SLC25A12: variants seen among roughly 807,000 people sequenced by gnomAD.
SLC25A12 encodes solute carrier family 25 member 12.
In SLC25A12, 32 loss-of-function variants were observed where a neutral mutation model predicts 83.3. The ratio of observed to expected loss-of-function variants is 0.38; its 90% CI spans 0.29 to 0.52. SLC25A12 has a LOEUF of 0.52. Ranked by LOEUF, SLC25A12 falls within the 20% of genes least tolerant of loss-of-function variation. The probability of loss-of-function intolerance (pLI) is 0.84; values close to 1 mark genes in which losing one functional copy is unlikely to be tolerated. For synonymous variants in SLC25A12, 267 were observed against 291.1 expected, an observed-to-expected ratio of 0.92 and a Z score of 0.84; for missense variants, 611 against 835.6, an observed-to-expected ratio of 0.73 and a Z score of 3.31.
At chr2:171,785,522 A>G (rs1368389102) in intron 17 of SLC25A12, 47 bp from the exon 18 acceptor site, 1 of 1,561,072 alleles carries the variant, frequency 6.4e-7, no homozygotes, top group Non-Finnish European at 8.8e-7. Flanking sequence ...AAGGTGGATG[A>G]GCGCAGCTTA....
chr2:171,877,396 G>T (rs1045843166), intron 2 of SLC25A12, among the ~76,000 whole-genome samples: 4 of 152,044 alleles, frequency 2.6e-5, no homozygotes, highest in Admixed American at 1.3e-4. Context: ...GCTGGGCACG[G>T]TGGCTCACAC....
Position 171,859,096 on chromosome 2 carries a change from C to T in SLC25A12, c.210-3147G>A, listed in dbSNP as rs1573988509. Among the ~76,000 whole-genome samples the T allele has an allele frequency of 2.0e-5, 3 of 152,154 alleles. No homozygotes were observed. The East Asian group carries it at 5.8e-4, about 29-fold the overall frequency. On this transcript the variant is annotated intron_variant, in intron 3 of 17. Transcript: ENST00000422440. ...CCTTCAATTTGGTGTTCTTCCATTA[C>T]TGTATATCTCCTAACCCTTTCCCAA...
At chr2:171,885,466 G>T (rs947994365) in intron 2 of SLC25A12, among the ~76,000 whole-genome samples, 1 of 151,754 alleles carries the variant, frequency 6.6e-6, no homozygotes, top group Non-Finnish European at 1.5e-5. Context: ...GATCACCTGA[G>T]GTCAGGAGTT....
chr2:171,884,399 C>T (rs962747221), intron 2 of SLC25A12, among the ~76,000 whole-genome samples: 4 of 151,206 alleles, frequency 2.6e-5, no homozygotes, highest in African/African-American at 9.7e-5. Flanking sequence ...CCTTGTTGTC[C>T]AGGCTGGTCT....
chr2:171,876,547 G>A lies in SLC25A12; in HGVS notation c.67-7724C>T, dbSNP rs13419006. On this transcript the variant is annotated intron_variant, in intron 2 of 17. Transcript: ENST00000422440. ...GGGGTTTGGGTTTTTTTTTTTTGGG[G>A]GGGGGGGGACTCAAGTGATCCTCCC... Among the ~76,000 whole-genome samples the A allele has an allele frequency of 1.4e-3, 73 of 53,840 alleles. 2 individuals carry two copies. The highest frequency in any genetic ancestry group is 0.028 in the Middle Eastern group (2 of 72). The allele number at this position is 53,840 out of a possible 152,430, so 35.3% of individuals were successfully genotyped here.
At chr2:171,845,663 T>C in intron 4 of SLC25A12, 1 of 260,584 alleles carries the variant, frequency 3.8e-6, no homozygotes, top group Non-Finnish European at 7.9e-6. Context: ...ACATACACTT[T>C]TTCTTAATAA....
At chr2:171,835,091 T>C (rs1684528553) in intron 6 of SLC25A12, among the ~76,000 whole-genome samples, 1 of 152,182 alleles carries the variant, frequency 6.6e-6, no homozygotes, top group African/African-American at 2.4e-5. Flanking sequence ...CATCTGGAAG[T>C]TGGACTTCAT....
In SLC25A12 at chr2:171,785,191, C is replaced by T. The variant is rs1285334694; in HGVS notation, c.*83G>A. On this transcript the variant is annotated 3_prime_UTR_variant, in exon 18 of 18. Transcript: ENST00000422440. ...ACTCCTCAGCTCAGTCAGTACCATG[C>T]AGCTGACTGGATACATTACAGGGCT... The T allele has an allele frequency of 8.2e-7, 1 of 1,223,186 alleles. No individual in the cohort carries two copies. The highest frequency in any genetic ancestry group is 1.2e-6 in the Non-Finnish European group (1 of 829,274). The allele number at this position is 1,223,186 out of a possible 1,614,324, so 75.8% of individuals were successfully genotyped here.
chr2:171,875,605 T>A (rs1485433955), intron 2 of SLC25A12, among the ~76,000 whole-genome samples: 1 of 151,974 alleles, frequency 6.6e-6, no homozygotes, highest in African/African-American at 2.4e-5. Context: ...TCACACAACA[T>A]ACCTTTGTAA....
At chr2:171,880,151 C>T (rs1234789007) in intron 2 of SLC25A12, among the ~76,000 whole-genome samples, 1 of 151,994 alleles carries the variant, frequency 6.6e-6, no homozygotes, top group African/African-American at 2.4e-5. Context: ...GCAAGGTTAG[C>T]CATGATAATT....
Position 171,892,817 on chromosome 2 carries a change from T to C in SLC25A12, c.66+388A>G, listed in dbSNP as rs185901504. Among the ~76,000 whole-genome samples the C allele has an allele frequency of 3.2e-3, 481 of 152,254 alleles. 1 individual carries two copies. The highest frequency in any genetic ancestry group is 5.3e-3 in the Non-Finnish European group (359 of 68,010). On this transcript the variant is annotated intron_variant, in intron 2 of 17. Transcript: ENST00000422440. ...TCTCTGTAACAAATTACATGGAGGA[T>C]AGCTCATAAGTAGGAAAACTTTGTA...
Position 171,894,113 on chromosome 2 carries a change from T to C in SLC25A12, c.12+90A>G. The stretch of plus-strand genomic sequence containing the variant: ...GACAAGCTATCTAAGACCTAGACAA[T>C]GAATAAAATGGGAAGCAGTGGGGGG... On this transcript the variant is annotated intron_variant, in intron 1 of 17. Coordinates refer to ENST00000422440, the MANE Select transcript of SLC25A12 (RefSeq NM_003705.5). 3 of 1,496,292 alleles carry C rather than the reference T, an allele frequency of 2.0e-6. No individual in the cohort carries two copies. The South Asian group carries it at 3.6e-5, about 18-fold the overall frequency. 92.7% of individuals were successfully genotyped at this position (1,496,292 alleles called of 1,614,324 possible).
At chr2:171,816,515 G>C (rs75657465) in intron 9 of SLC25A12, among the ~76,000 whole-genome samples, 1 of 151,758 alleles carries the variant, frequency 6.6e-6, no homozygotes, top group East Asian at 1.9e-4. Flanking sequence ...CCTAATATAA[G>C]GTAAATAAGA....
At chr2:171,838,537 C>T (rs1006419691) in intron 5 of SLC25A12, among the ~76,000 whole-genome samples, 2 of 151,970 alleles carry the variant, frequency 1.3e-5, no homozygotes, top group African/African-American at 2.4e-5. Flanking sequence ...CTTTGTCTTC[C>T]CTATATGTCT....
intron 15 of SLC25A12, among the ~76,000 whole-genome samples, chr2:171,790,281 T>A (rs1198949304): frequency 6.6e-6 from 1 of 152,162 alleles, no homozygotes; most frequent in Non-Finnish European, 1.5e-5. Context: ...GCCTGGCTGG[T>A]CAGAGCCACA....
chr2:171,812,900 T>C (rs1362564449), intron 11 of SLC25A12, among the ~76,000 whole-genome samples: 1 of 150,926 alleles, frequency 6.6e-6, no homozygotes, highest in African/African-American at 2.4e-5. Context: ...TCAGTTGAAA[T>C]AAATATATGG....
intron 2 of SLC25A12, among the ~76,000 whole-genome samples, chr2:171,890,734 C>T (rs1462942769): frequency 1.3e-5 from 2 of 152,170 alleles, no homozygotes; most frequent in Non-Finnish European, 2.9e-5. Flanking sequence ...CCTCTAGCCT[C>T]AGCCTCCCAA....
intron 2 of SLC25A12, among the ~76,000 whole-genome samples, chr2:171,882,382 G>A (rs1332800346): frequency 6.6e-6 from 1 of 152,202 alleles, no homozygotes; most frequent in Non-Finnish European, 1.5e-5. Context: ...TTTTCTTGGG[G>A]TATTAGGGAG....
intron 9 of SLC25A12, 101 bp from the exon 10 acceptor site, chr2:171,815,303 A>G (rs1027801178): frequency 1.2e-6 from 1 of 804,280 alleles, no homozygotes; most frequent in Admixed American, 1.9e-5. Context: ...ACAAAACCTA[A>G]AAGTGATATT....
Sources: gnomAD v4.1 joint callset for allele counts (sites outside exome capture counted in the v4.1 genomes callset) on GRCh38, gnomAD v4.1.1 for gene constraint, MANE v1.5 for transcripts, NCBI Gene and HGNC (gene_info 2026-07-23, HGNC 2026-07-21) for gene names.